The following SYT1 variants were observed in gnomAD, a reference collection of about 807,000 sequenced individuals.
SYT1 encodes synaptotagmin-1.
In SYT1, 8 loss-of-function variants were observed where a neutral mutation model predicts 44.8. The observed-to-expected ratio is 0.18, with a 90% CI of 0.10 to 0.32. SYT1 has a LOEUF of 0.32. Among genes scored for constraint, SYT1 ranks in the 10% least tolerant of loss-of-function variants. The pLI is 1.00. For missense variants in SYT1, 286 were observed against 509.3 expected, an observed-to-expected ratio of 0.56 and a Z score of 4.22; for synonymous variants, 154 against 188.8, an observed-to-expected ratio of 0.82 and a Z score of 1.51.
chr12:79,436,447 GCC>G (rs1870095340), intron 9 of SYT1, among the ~76,000 whole-genome samples: 2 of 152,112 alleles, frequency 1.3e-5, no homozygotes, highest in Non-Finnish European at 2.9e-5. Flanking sequence ...GGTCACAGGA[GCC>G]CACGGTCACT....
At chr12:79,370,532 G>A (rs1281780754) in intron 9 of SYT1, among the ~76,000 whole-genome samples, 1 of 152,084 alleles carries the variant, frequency 6.6e-6, no homozygotes, top group Non-Finnish European at 1.5e-5. Flanking sequence ...GGAGGCTGAG[G>A]CGGGCGGATC....
intron 3 of SYT1, among the ~76,000 whole-genome samples, chr12:79,065,044 G>A (rs956419495): frequency 3.3e-5 from 5 of 151,956 alleles, no homozygotes; most frequent in Non-Finnish European, 5.9e-5. Flanking sequence ...GGGTTTGCAC[G>A]CTGCCACTCT....
chr12:79,187,252 C>A (rs1872855076), intron 3 of SYT1, among the ~76,000 whole-genome samples: 1 of 151,904 alleles, frequency 6.6e-6, no homozygotes, highest in Admixed American at 6.6e-5. Context: ...AAGAACTGCA[C>A]CCAAAATAGC....
chr12:78,971,700 G>T (rs576642222), intron 1 of SYT1, among the ~76,000 whole-genome samples: 16 of 152,166 alleles, frequency 1.1e-4, no homozygotes, highest in African/African-American at 3.1e-4. Context: ...TGTGATTCTA[G>T]AGGCAAATAA....
At chr12:79,313,112 A>G (rs764474960) in intron 8 of SYT1, among the ~76,000 whole-genome samples, 1 of 152,228 alleles carries the variant, frequency 6.6e-6, no homozygotes, top group African/African-American at 2.4e-5. Context: ...AGATGAAATG[A>G]ACAGATAGTG....
chr12:78,954,948 A>G (rs757807839), intron 1 of SYT1, among the ~76,000 whole-genome samples: 23 of 152,174 alleles, frequency 1.5e-4, no homozygotes, highest in Non-Finnish European at 8.8e-5. Flanking sequence ...TATTTTAATG[A>G]TAACAACAGT....
At chr12:79,009,018 CT>C (rs1871259452) in intron 2 of SYT1, among the ~76,000 whole-genome samples, 4 of 152,264 alleles carry the variant, frequency 2.6e-5, no homozygotes, top group African/African-American at 9.6e-5. Context: ...TCCAAGATTA[CT>C]TGGAACATGA....
At chr12:79,037,566 G>A (rs1013129916) in intron 2 of SYT1, among the ~76,000 whole-genome samples, 1 of 151,616 alleles carries the variant, frequency 6.6e-6, no homozygotes, top group African/African-American at 2.4e-5. Context: ...AATGAGAGCG[G>A]GCTTGTAGAC....
intron 2 of SYT1, among the ~76,000 whole-genome samples, chr12:78,984,215 C>T (rs1477115221): frequency 6.6e-6 from 1 of 151,632 alleles, no homozygotes; most frequent in African/African-American, 2.4e-5. Context: ...AATTACAGCC[C>T]TTACATACCT....
At chr12:79,366,945 T>TGTGTTC (rs1883573432) in intron 9 of SYT1, among the ~76,000 whole-genome samples, 1 of 139,466 alleles carries the variant, frequency 7.2e-6, no homozygotes, top group Non-Finnish European at 1.5e-5. Flanking sequence ...TGTGTGTGTG[T>TGTGTTC]GTTCAAAGAA....
At chr12:78,920,096 G>A (rs7975131) in intron 1 of SYT1, among the ~76,000 whole-genome samples, 14,078 of 151,578 alleles carry the variant, frequency 0.093, 1,082 homozygotes, top group African/African-American at 0.21. Flanking sequence ...GCTAACTACC[G>A]AAATTTAAAT....
intron 1 of SYT1, among the ~76,000 whole-genome samples, chr12:78,889,714 G>A (rs1486150629): frequency 6.6e-6 from 1 of 151,894 alleles, no homozygotes; most frequent in African/African-American, 2.4e-5. Context: ...TAATTCTCAT[G>A]GTTTAAAATG....
intron 3 of SYT1, among the ~76,000 whole-genome samples, chr12:79,082,633 G>T (rs1243612130): frequency 6.6e-6 from 1 of 152,184 alleles, no homozygotes; most frequent in Non-Finnish European, 1.5e-5. Flanking sequence ...GGAAGAGGAT[G>T]GCTTGAATAT....
intron 1 of SYT1, among the ~76,000 whole-genome samples, chr12:78,946,712 AAAAAG>A (rs1315109045): frequency 6.6e-6 from 1 of 151,408 alleles, no homozygotes; most frequent in Non-Finnish European, 1.5e-5. Context: ...AAAAAAAAAG[AAAAAG>A]AAAAGAAAAA....
intron 9 of SYT1, among the ~76,000 whole-genome samples, chr12:79,436,338 T>A (rs1231152968): frequency 6.6e-6 from 1 of 152,150 alleles, no homozygotes; most frequent in Non-Finnish European, 1.5e-5. Context: ...TACCTGAAGA[T>A]ACTCAGAAGC....
At chr12:79,281,613 G>C (rs544386223) in intron 4 of SYT1, among the ~76,000 whole-genome samples, 2 of 152,224 alleles carry the variant, frequency 1.3e-5, no homozygotes, top group African/African-American at 2.4e-5. Flanking sequence ...TAAAAGCCCA[G>C]ACGTTACTAC....
At chr12:79,062,215 G>A (rs1243801042) in intron 3 of SYT1, among the ~76,000 whole-genome samples, 4 of 152,132 alleles carry the variant, frequency 2.6e-5, no homozygotes, top group Admixed American at 1.3e-4. Flanking sequence ...TTATTGCAGT[G>A]AGGAAATTTC....
intron 4 of SYT1, among the ~76,000 whole-genome samples, chr12:79,223,474 G>T (rs1214058659): frequency 6.6e-6 from 1 of 152,176 alleles, no homozygotes; most frequent in African/African-American, 2.4e-5. Context: ...GAAGCCTAGG[G>T]CCCACTACAG....
intron 3 of SYT1, among the ~76,000 whole-genome samples, chr12:79,124,591 CATCATCATCACCATT>C (rs1251010889): frequency 1.3e-5 from 2 of 152,016 alleles, no homozygotes; most frequent in African/African-American, 2.4e-5. Context: ...TCATCATCAT[CATCATCATCACCATT>C]ATCATCATCA....
Sources: allele counts gnomAD v4.1 joint callset (sites outside exome capture counted in the v4.1 genomes callset), GRCh38; gene constraint gnomAD v4.1.1; transcripts MANE v1.5; gene names NCBI Gene and HGNC (gene_info 2026-07-23, HGNC 2026-07-21).